Variants in B9D1 observed in about 807,000 individuals in gnomAD.
The protein encoded by B9D1 is B9 domain-containing protein 1.
Under a neutral mutation model 26.1 loss-of-function variants are expected in B9D1, and 20 were observed. The observed-to-expected ratio is 0.77, with a 90% CI of 0.54 to 1.12. The LOEUF is 1.12. B9D1 is among the 50% of genes most tolerant of loss of function. The probability of loss-of-function intolerance (pLI) is 0.00; values close to 1 mark genes in which losing one functional copy is unlikely to be tolerated. For missense variants in B9D1, 260 were observed against 273.7 expected (o/e 0.95, Z 0.35); for synonymous variants, 105 against 103.1 (o/e 1.02, Z -0.11).
At chr17:19,348,068 TA>T (rs1690157692) in intron 3 of B9D1, among the ~76,000 whole-genome samples, 188 bp from the exon 4 acceptor site, 1 of 152,176 alleles carries the variant, frequency 6.6e-6, no homozygotes, top group Non-Finnish European at 1.5e-5. Context: ...CCCACCCTGG[TA>T]CTTCCTGTGT....
downstream of B9D1, among the ~76,000 whole-genome samples, chr17:19,341,933 A>G (rs376929296): frequency 1.8e-3 from 271 of 152,270 alleles, no homozygotes; most frequent in African/African-American, 6.3e-3. Flanking sequence ...GGTGGTTTGA[A>G]GAGCACAGGG....
At chr17:19,357,657 G>A (rs1910527694) in intron 3 of B9D1, 183 bp downstream of exon 3, 2 of 649,940 alleles carry the variant, frequency 3.1e-6, no homozygotes, top group Non-Finnish European at 5.6e-6. Context: ...AAGGGGGTGA[G>A]TGGGGATGAG....
downstream of B9D1, among the ~76,000 whole-genome samples, chr17:19,337,089 CTCT>C (rs1405880221): frequency 2.0e-5 from 3 of 152,208 alleles, no homozygotes; most frequent in Non-Finnish European, 4.4e-5. Flanking sequence ...GCTCTGCCTC[CTCT>C]TGTGTCCATG....
At chr17:19,366,060 G>A (rs1453823684), upstream of B9D1, among the ~76,000 whole-genome samples, 1 of 151,756 alleles carries the variant, frequency 6.6e-6, no homozygotes, top group Non-Finnish European at 1.5e-5. Flanking sequence ...AGTCTTCCTT[G>A]AACGCCTCTC....
intron 5 of B9D1, among the ~76,000 whole-genome samples, chr17:19,345,259 C>T (rs570880778): frequency 3.9e-4 from 59 of 152,146 alleles, no homozygotes; most frequent in Admixed American, 2.1e-3. Context: ...GCCCGACCAC[C>T]GGCCTGGCAG....
chr17:19,362,607 G>A lies in B9D1; in HGVS notation c.-38C>T, dbSNP rs751416942. ...GGTGCCGGGGGGACCCACCTAGGCC[G>A]CGCGCGGTTGCTAAGAGACGCCGGC... is the stretch of plus-strand genomic sequence containing the variant. On this transcript the variant is annotated 5_prime_UTR_variant, in exon 1 of 7. Coordinates refer to ENST00000261499, the MANE Select transcript of B9D1 (RefSeq NM_015681.6). 9 of 1,575,884 alleles carry A rather than the reference G, an allele frequency of 5.7e-6. No homozygotes were observed. Among genetic ancestry groups the A allele is most frequent in the Non-Finnish European group, 7.8e-6 (9 of 1,160,268 alleles).
At chr17:19,369,742 C>T (rs1911793170) in intron 1 of B9D1, among the ~76,000 whole-genome samples, 1 of 152,186 alleles carries the variant, frequency 6.6e-6, no homozygotes. Context: ...TGTTGTTTAT[C>T]TGAAATTCCA....
chr17:19,374,884 A>G (rs1912037321), intron 1 of B9D1, among the ~76,000 whole-genome samples: 1 of 152,262 alleles, frequency 6.6e-6, no homozygotes, highest in Non-Finnish European at 1.5e-5. Context: ...ATATCTGTAA[A>G]TCATCTAATA....
intron 1 of B9D1, among the ~76,000 whole-genome samples, chr17:19,361,887 T>A (rs1316845381): frequency 6.6e-6 from 1 of 152,208 alleles, no homozygotes; most frequent in Non-Finnish European, 1.5e-5. Flanking sequence ...GTGTTAGTAG[T>A]GCCTATCTGG....
In B9D1 at chr17:19,370,016, G is replaced by A. The variant is rs1465126320; in HGVS notation, c.-298+7843C>T. Among the ~76,000 whole-genome samples the A allele has an allele frequency of 2.0e-5, 3 of 152,138 alleles. No homozygotes were observed. Among genetic ancestry groups the A allele is most frequent in the Admixed American group, 2.0e-4 (3 of 15,268 alleles). On this transcript the variant is annotated intron_variant, in intron 1 of 5. Coordinates refer to the B9D1 transcript ENST00000477478. This position sits in a 1 kb window ranked among gnomAD's most constrained non-coding sequence, Gnocchi z 5.1. The stretch of plus-strand genomic sequence containing the variant: ...AGATTGAGAGAGGAAACTGGGCAGG[G>A]AGCACACCACTGATGGGTGAAATGA...
intron 3 of B9D1, among the ~76,000 whole-genome samples, chr17:19,355,453 C>T (rs975373869): frequency 5.3e-5 from 8 of 150,326 alleles, no homozygotes; most frequent in Non-Finnish European, 8.8e-5. Context: ...CGCTTGAATC[C>T]AGGAGGTAGA....
intron 3 of B9D1, among the ~76,000 whole-genome samples, chr17:19,357,233 G>C (rs1364586263): frequency 6.6e-6 from 1 of 152,248 alleles, no homozygotes; most frequent in African/African-American, 2.4e-5. Flanking sequence ...AGTATTCATA[G>C]TCCCCATGGA....
At chr17:19,346,596 G>A (rs1908827814) in intron 5 of B9D1, among the ~76,000 whole-genome samples, 1 of 152,208 alleles carries the variant, frequency 6.6e-6, no homozygotes, top group Non-Finnish European at 1.5e-5. Flanking sequence ...TTGGATGTGA[G>A]CAGGGGTAAG....
chr17:19,369,154 G>A (rs1343523853), intron 1 of B9D1, among the ~76,000 whole-genome samples: 1 of 152,204 alleles, frequency 6.6e-6, no homozygotes, highest in African/African-American at 2.4e-5. Flanking sequence ...ATAGGGTTAT[G>A]GTAGACAAGC....
chr17:19,369,871 CCCT>C (rs1224484075), intron 1 of B9D1, among the ~76,000 whole-genome samples: 2 of 152,182 alleles, frequency 1.3e-5, no homozygotes, highest in African/African-American at 4.8e-5. Context: ...CATGGCCATT[CCCT>C]CCTCCTGAGA....
chr17:19,358,143 T>C (rs1337231761), intron 2 of B9D1, among the ~76,000 whole-genome samples, 192 bp from the exon 3 acceptor site: 2 of 152,096 alleles, frequency 1.3e-5, no homozygotes, highest in Non-Finnish European at 2.9e-5. Context: ...ACGCCGTAGC[T>C]TGACAACCCT....
Position 19,358,396 on chromosome 17 carries a change from C to G in B9D1, c.133-445G>C, listed in dbSNP as rs369840281. On this transcript the variant is annotated intron_variant, in intron 2 of 6. Coordinates refer to ENST00000261499, the MANE Select transcript of B9D1 (RefSeq NM_015681.6). ...AACCCTTTCTCTGCTCCCTTTATAG[C>G]AAAACTGCCTCAAAGAGCTGCCACA... is the stretch of plus-strand genomic sequence containing the variant. Among the ~76,000 whole-genome samples the G allele has an allele frequency of 1.3e-4, 20 of 152,338 alleles. No homozygotes were observed. In the South Asian group the frequency reaches 3.7e-3, roughly 28 times the overall value.
downstream of B9D1, among the ~76,000 whole-genome samples, chr17:19,341,560 G>A (rs1253360421): frequency 6.6e-6 from 1 of 152,178 alleles, no homozygotes; most frequent in Non-Finnish European, 1.5e-5. Flanking sequence ...GGGTGGTTGT[G>A]GGAACAGAAG....
In B9D1 at chr17:19,347,728, T is replaced by C. The variant is rs571518695; in HGVS notation, c.341+56A>G. The C allele has an allele frequency of 6.5e-7, 1 of 1,531,672 alleles. No homozygotes were observed. The highest frequency in any genetic ancestry group is 1.1e-5 in the South Asian group (1 of 88,044). The allele number at this position is 1,531,672 out of a possible 1,614,324, so 94.9% of individuals were successfully genotyped here. A position where few individuals can be genotyped will look rare whatever the true frequency, so the allele number is the denominator to read the frequency against. On this transcript the variant is annotated intron_variant, in intron 4 of 6. Transcript: ENST00000261499. This position sits in a 1 kb window ranked among gnomAD's most constrained non-coding sequence, Gnocchi z 4.3. ...CCTGAACCTAAGACAGAAAACGAGG[T>C]GAAGTCTGTCCTAGGACAAGTCCTG...
Sources: allele counts gnomAD v4.1 joint callset (sites outside exome capture counted in the v4.1 genomes callset), GRCh38; gene constraint gnomAD v4.1.1; non-coding constraint Gnocchi (gnomAD v3.1); transcripts MANE v1.5; gene names NCBI Gene and HGNC (gene_info 2026-07-23, HGNC 2026-07-21).